RBFOX1: variants seen among roughly 807,000 people sequenced by gnomAD.
RBFOX1 encodes the protein RNA binding fox-1 homolog 1, also known as RNA binding protein fox-1 homolog 1.
Under a neutral mutation model 57.7 loss-of-function variants are expected in RBFOX1, and 8 were observed. That is an observed-to-expected ratio of 0.14 (90% CI 0.08 to 0.25). The LOEUF is 0.25. Ranked by LOEUF, RBFOX1 falls within the 10% of genes least tolerant of loss-of-function variation. RBFOX1 has a pLI of 1.00. For synonymous variants in RBFOX1, 326 were observed against 222.4 expected (o/e 1.47, Z -4.15); for missense variants, 611 against 548.5 (o/e 1.11, Z -1.14).
chr16:6,917,995 G>A (rs566016387), intron 3 of RBFOX1, among the ~76,000 whole-genome samples: 17 of 152,232 alleles, frequency 1.1e-4, no homozygotes, highest in African/African-American at 4.1e-4. Context: ...TGTTAAAAAT[G>A]TACATTTGTG....
intron 1 of RBFOX1, among the ~76,000 whole-genome samples, chr16:6,243,610 G>T (rs954086693): frequency 2.0e-5 from 3 of 152,112 alleles, no homozygotes; most frequent in African/African-American, 7.2e-5. Context: ...GGGTCAGGTG[G>T]ACCCACCTCA....
intron 3 of RBFOX1, among the ~76,000 whole-genome samples, chr16:6,767,615 C>A (rs1202704347): frequency 6.6e-6 from 1 of 152,026 alleles, no homozygotes; most frequent in African/African-American, 2.4e-5. Context: ...AAGAACTCAT[C>A]CCTAAGAAAT....
chr16:7,659,615 A>G (rs1454511320), intron 12 of RBFOX1, among the ~76,000 whole-genome samples: 2 of 152,206 alleles, frequency 1.3e-5, no homozygotes, highest in African/African-American at 4.8e-5. Context: ...AAAGAATCTC[A>G]TAATGTTTTA....
intron 1 of RBFOX1, among the ~76,000 whole-genome samples, chr16:5,446,840 A>T (rs1163849620): frequency 6.6e-6 from 1 of 152,114 alleles, no homozygotes; most frequent in Non-Finnish European, 1.5e-5. Flanking sequence ...ATTAGGTGGC[A>T]TGTGGTCTTG....
chr16:6,323,606 A>G (rs1374762876), intron 2 of RBFOX1, among the ~76,000 whole-genome samples: 2 of 152,172 alleles, frequency 1.3e-5, no homozygotes, highest in Admixed American at 6.5e-5. Context: ...CATACCCCCA[A>G]TCTAGATCAG....
intron 4 of RBFOX1, among the ~76,000 whole-genome samples, chr16:7,054,549 G>GGGGAT (rs1412324543): frequency 7.2e-6 from 1 of 139,832 alleles, no homozygotes; most frequent in African/African-American, 2.5e-5. Context: ...CCTGGGTGGG[G>GGGGAT]GGGCATTTTT....
intron 1 of RBFOX1, among the ~76,000 whole-genome samples, chr16:6,263,110 C>G (rs181799691): frequency 6.6e-6 from 1 of 152,146 alleles, no homozygotes; most frequent in African/African-American, 2.4e-5. Context: ...TAGGAGAACA[C>G]AGAGTGCGCC....
At chr16:5,856,468 C>G (rs2045999850) in intron 3 of RBFOX1, among the ~76,000 whole-genome samples, 2 of 134,816 alleles carry the variant, frequency 1.5e-5, no homozygotes, top group South Asian at 2.4e-4. Context: ...TTAATGAGAT[C>G]CTCAGAGCTT....
intron 5 of RBFOX1, among the ~76,000 whole-genome samples, chr16:7,579,046 T>G (rs2093551706): frequency 6.6e-6 from 1 of 152,222 alleles, no homozygotes; most frequent in South Asian, 2.1e-4. Flanking sequence ...TTTGCATTAT[T>G]CAGTATGGAA....
intron 4 of RBFOX1, among the ~76,000 whole-genome samples, chr16:7,500,144 C>T (rs1192945829): frequency 4.6e-5 from 7 of 152,258 alleles, no homozygotes; most frequent in African/African-American, 1.4e-4. Flanking sequence ...AATATTTATG[C>T]ACTGCTTAAT....
intron 3 of RBFOX1, among the ~76,000 whole-genome samples, chr16:6,783,858 T>C (rs2081453281): frequency 6.6e-6 from 1 of 152,148 alleles, no homozygotes; most frequent in African/African-American, 2.4e-5. Context: ...CAGGTTTTGT[T>C]TGTCTGAGAA....
At chr16:5,533,317 G>A (rs11076922) in intron 2 of RBFOX1, among the ~76,000 whole-genome samples, 59,257 of 152,082 alleles carry the variant, frequency 0.39, 13,508 homozygotes, top group East Asian at 0.85. Context: ...AGGGCTTATG[G>A]TATGTGCTGG....
At chr16:6,970,793 C>A (rs2085364226) in intron 3 of RBFOX1, among the ~76,000 whole-genome samples, 1 of 152,114 alleles carries the variant, frequency 6.6e-6, no homozygotes, top group Non-Finnish European at 1.5e-5. Flanking sequence ...GGGTCTTATG[C>A]CCTGTCTACA....
At chr16:6,747,966 C>G (rs904127072) in intron 3 of RBFOX1, among the ~76,000 whole-genome samples, 2 of 152,156 alleles carry the variant, frequency 1.3e-5, no homozygotes, top group East Asian at 1.9e-4. Flanking sequence ...TTTCTAAATC[C>G]TTTCTCTTTT....
intron 5 of RBFOX1, among the ~76,000 whole-genome samples, chr16:7,528,413 A>T (rs1391255458): frequency 6.6e-6 from 1 of 152,206 alleles, no homozygotes; most frequent in Non-Finnish European, 1.5e-5. Context: ...CAAAGGACTG[A>T]TGTAAGTGTT....
At chr16:5,322,724 T>C (rs1046808479) in intron 1 of RBFOX1, among the ~76,000 whole-genome samples, 10 of 152,212 alleles carry the variant, frequency 6.6e-5, no homozygotes, top group African/African-American at 2.4e-4. Context: ...ATGCGACTTC[T>C]AATGTATCAT....
intron 2 of RBFOX1, among the ~76,000 whole-genome samples, chr16:6,521,293 A>G (rs547011895): frequency 6.6e-6 from 1 of 152,088 alleles, no homozygotes; most frequent in Non-Finnish European, 1.5e-5. Flanking sequence ...TAAAGAATGG[A>G]TATGTTAATT....
chr16:7,112,699 T>TGTGTGTGTGTGTGG (rs1567305164), intron 4 of RBFOX1, among the ~76,000 whole-genome samples: 2 of 146,918 alleles, frequency 1.4e-5, no homozygotes, highest in African/African-American at 2.5e-5. Flanking sequence ...TGTCTCTCTG[T>TGTGTGTGTGTGTGG]CTGTCTGTCC....
At chr16:6,606,021 A>T (rs2097920402) in intron 2 of RBFOX1, among the ~76,000 whole-genome samples, 1 of 152,036 alleles carries the variant, frequency 6.6e-6, no homozygotes, top group Non-Finnish European at 1.5e-5. Flanking sequence ...AGGCAGGAGG[A>T]TCACTTGAAC....
Sources: allele counts gnomAD v4.1 joint callset (sites outside exome capture counted in the v4.1 genomes callset), GRCh38; gene constraint gnomAD v4.1.1; transcripts MANE v1.5; gene names NCBI Gene and HGNC (gene_info 2026-07-23, HGNC 2026-07-21).